The following PHLPP2 variants were observed in gnomAD, a reference collection of about 807,000 sequenced individuals.
PHLPP2 encodes PH domain leucine-rich repeat-containing protein phosphatase 2.
A neutral mutation model predicts 124.9 loss-of-function variants in PHLPP2; 66 were observed. That is an observed-to-expected ratio of 0.53 (90% CI 0.43 to 0.65). The LOEUF (loss-of-function observed/expected upper bound fraction) is 0.65. Ranked by LOEUF, PHLPP2 falls within the 30% of genes least tolerant of loss-of-function variation. PHLPP2 has a pLI of 0.00. For synonymous variants in PHLPP2, 681 were observed against 624.7 expected, an observed-to-expected ratio of 1.09 and a Z score of -1.34; for missense variants, 1,685 against 1,600.4, an observed-to-expected ratio of 1.05 and a Z score of -0.90.
chr16:71,707,597 A>G lies in PHLPP2; in HGVS notation c.285-4866T>C, dbSNP rs546532125. Among the ~76,000 whole-genome samples, 3 of 152,230 alleles carry G rather than the reference A, an allele frequency of 2.0e-5. No individual in the cohort carries two copies. In the South Asian group the frequency reaches 6.2e-4, roughly 32 times the overall value. On this transcript the variant is annotated intron_variant, in intron 2 of 18. Transcript: ENST00000568954. ...CCTTCATAATGATTCCCCAATAAAAACATTGTACTGAACACCAGTGGAGTT... is the reference window on the plus strand; with the variant it reads ...CCTTCATAATGATTCCCCAATAAAAGCATTGTACTGAACACCAGTGGAGTT...
At chr16:71,657,176 CAA>C (rs2044749198) in intron 15 of PHLPP2, among the ~76,000 whole-genome samples, 1 of 151,878 alleles carries the variant, frequency 6.6e-6, no homozygotes, top group African/African-American at 2.4e-5. Context: ...CTCCTGACCT[CAA>C]GTGATCCGCC....
chr16:71,676,678 A>G, intron 8 of PHLPP2, 29 bp from the exon 9 acceptor site: 1 of 1,479,086 alleles, frequency 6.8e-7, no homozygotes, highest in South Asian at 1.1e-5. Context: ...GAAAATAATC[A>G]TAAATAAGAG....
intron 4 of PHLPP2, among the ~76,000 whole-genome samples, chr16:71,687,682 T>A (rs1041702533): frequency 7.9e-5 from 12 of 152,212 alleles, no homozygotes; most frequent in African/African-American, 2.2e-4. Flanking sequence ...CTAATAAATT[T>A]TAAGATTATT....
intron 15 of PHLPP2, among the ~76,000 whole-genome samples, chr16:71,657,233 G>A (rs151323772): frequency 3.3e-5 from 5 of 151,592 alleles, no homozygotes; most frequent in Admixed American, 6.6e-5. Context: ...GTGAGCCACC[G>A]CTCCCGGCTA....
At position 71,714,988 on chromosome 16, in the gene PHLPP2, C is replaced by T; in HGVS notation, c.-6-187G>A. 3 of 670,900 alleles carry T rather than the reference C, an allele frequency of 4.5e-6. No individual in the cohort carries two copies. The South Asian group carries it at 6.5e-5, about 15-fold the overall frequency. The allele number at this position is 670,900 out of a possible 1,614,324, so 41.6% of individuals were successfully genotyped here. A position where few individuals can be genotyped will look rare whatever the true frequency, so the allele number is the denominator to read the frequency against. ...AACTCAGATAACTTAATTTTCTTTACTGCTGTCTGTGTTTCCATCCATCAT... is the reference window on the plus strand; with the variant it reads ...AACTCAGATAACTTAATTTTCTTTATTGCTGTCTGTGTTTCCATCCATCAT... On this transcript the variant is annotated intron_variant, in intron 1 of 18. Transcript: ENST00000568954.
chr16:71,704,826 GAA>G (rs2045261965), intron 2 of PHLPP2, among the ~76,000 whole-genome samples: 1 of 152,164 alleles, frequency 6.6e-6, no homozygotes, highest in African/African-American at 2.4e-5. Flanking sequence ...TCTTCTGAGA[GAA>G]AGACACGTTT....
chr16:71,702,529 C>A (rs1049715598), intron 3 of PHLPP2, 69 bp downstream of exon 3: 12 of 1,288,040 alleles, frequency 9.3e-6, no homozygotes, highest in Non-Finnish European at 1.2e-5. Flanking sequence ...AAAAAGCTGA[C>A]GGCAGATAAG....
chr16:71,703,138 T>C (rs769797518), intron 2 of PHLPP2, among the ~76,000 whole-genome samples: 7 of 152,268 alleles, frequency 4.6e-5, no homozygotes, highest in Non-Finnish European at 1.0e-4. Context: ...CATGGCTGAG[T>C]AGTAACTCAA....
intron 2 of PHLPP2, among the ~76,000 whole-genome samples, chr16:71,710,405 A>G (rs1161684896): frequency 6.6e-6 from 1 of 152,224 alleles, no homozygotes; most frequent in Admixed American, 6.5e-5. Flanking sequence ...AGTAGTAATG[A>G]ATAACTCAGA....
chr16:71,715,823 C>CAAAAAAAAAAA (rs71153656), intron 1 of PHLPP2, among the ~76,000 whole-genome samples: 2 of 113,064 alleles, frequency 1.8e-5, no homozygotes, highest in Non-Finnish European at 1.8e-5. Context: ...ACTAAAAATA[C>CAAAAAAAAAAA]AAAAAAAAAA....
intron 11 of PHLPP2, among the ~76,000 whole-genome samples, chr16:71,667,567 A>G (rs950314264): frequency 3.3e-5 from 5 of 152,206 alleles, no homozygotes; most frequent in Non-Finnish European, 5.9e-5. Flanking sequence ...ATGAAGGCAA[A>G]CAGCACAGAG....
intron 1 of PHLPP2, among the ~76,000 whole-genome samples, chr16:71,718,576 T>C: frequency 7.6e-6 from 1 of 130,914 alleles, no homozygotes; most frequent in African/African-American, 3.0e-5. Context: ...CAAGACTCTA[T>C]CTCAAAAAAA....
At chr16:71,711,721 C>T (rs906948001) in intron 2 of PHLPP2, among the ~76,000 whole-genome samples, 1 of 152,160 alleles carries the variant, frequency 6.6e-6, no homozygotes. Context: ...AAAATTTCTT[C>T]GGTGAACATA....
chr16:71,693,222 G>C (rs577417501), intron 3 of PHLPP2, among the ~76,000 whole-genome samples: 65 of 152,230 alleles, frequency 4.3e-4, no homozygotes, highest in Non-Finnish European at 7.1e-4. Context: ...AGGAGGCGGA[G>C]GTTGCAGTGA....
intron 13 of PHLPP2, among the ~76,000 whole-genome samples, chr16:71,659,533 G>T (rs11640830): frequency 0.26 from 39,327 of 152,018 alleles, 5,289 homozygotes; most frequent in Non-Finnish European, 0.3. Context: ...TTATAGGCAT[G>T]AGCCACCGCA....
At chr16:71,661,306 C>T (rs748950483) in intron 13 of PHLPP2, among the ~76,000 whole-genome samples, 7 of 151,984 alleles carry the variant, frequency 4.6e-5, no homozygotes, top group Admixed American at 1.3e-4. Context: ...CCTGATCTCA[C>T]GTGATCCACC....
rs2044658414 is a variant in PHLPP2 at position 71,647,013 on chromosome 16, A to AT, written c.*1876dup. The AT allele has an allele frequency of 6.6e-6, 1 of 152,596 alleles. No individual in the cohort carries two copies. Among genetic ancestry groups the AT allele is most frequent in the Admixed American group, 6.5e-5 (1 of 15,270 alleles). 9.5% of individuals were successfully genotyped at this position (152,596 alleles called of 1,614,324 possible). A position where few individuals can be genotyped will look rare whatever the true frequency, so the allele number is the denominator to read the frequency against. ...ATAATTATTATGGACAGGTCATCTG[A>AT]TTTTGACTATTGCTTTGAACAAAAA... On this transcript the variant is annotated 3_prime_UTR_variant, in exon 19 of 19. Transcript: ENST00000568954.
chr16:71,660,113 T>C (rs1327619505), intron 13 of PHLPP2, among the ~76,000 whole-genome samples: 3 of 152,024 alleles, frequency 2.0e-5, no homozygotes, highest in Non-Finnish European at 4.4e-5. Flanking sequence ...AATCTTTTAA[T>C]GCTACTTCAT....
chr16:71,714,727 C>G lies in PHLPP2; in HGVS notation c.69G>C (p.Trp23Cys), dbSNP rs1200852693. Residue 23 changes from tryptophan to cysteine, a missense_variant, in exon 2 of 19, where the codon TGG (tryptophan) becomes TGC (cysteine). Transcript: ENST00000568954. Reference sequence around the variant, plus strand: ...AGCCTCTCTTTACATCTTCTCTTAGCCAGTCTCTTTCTCGAGAACCAAACC... The same window carrying G: ...AGCCTCTCTTTACATCTTCTCTTAGGCAGTCTCTTTCTCGAGAACCAAACC... ...RSRFGSRERD[W>C]LREDVKRGCV... The G allele has an allele frequency of 1.2e-6, 2 of 1,614,024 alleles. No individual in the cohort carries two copies. Among genetic ancestry groups the G allele is most frequent in the Non-Finnish European group, 1.7e-6 (2 of 1,180,020 alleles).
Sources: gnomAD v4.1 joint callset for allele counts (sites outside exome capture counted in the v4.1 genomes callset) on GRCh38, gnomAD v4.1.1 for gene constraint, MANE v1.5 for transcripts, NCBI Gene and HGNC (gene_info 2026-07-23, HGNC 2026-07-21) for gene names.